Variants in ADGRL3 observed in about 807,000 individuals in gnomAD.
The protein encoded by ADGRL3 is calcium-independent alpha-latrotoxin receptor 3.
In ADGRL3, 62 loss-of-function variants were observed where a neutral mutation model predicts 153.5. The ratio of observed to expected loss-of-function variants is 0.40; its 90% CI spans 0.33 to 0.50. The LOEUF (loss-of-function observed/expected upper bound fraction) is 0.50. Among genes scored for constraint, ADGRL3 ranks in the 20% least tolerant of loss-of-function variants. The probability of loss-of-function intolerance (pLI) is 0.47; values close to 1 mark genes in which losing one functional copy is unlikely to be tolerated. For synonymous variants in ADGRL3, 710 were observed against 672.5 expected, an observed-to-expected ratio of 1.06 and a Z score of -0.86; for missense variants, 1,641 against 1,859.4, an observed-to-expected ratio of 0.88 and a Z score of 2.16.
At chr4:61,786,808 G>A (rs1051346960) in intron 8 of ADGRL3, among the ~76,000 whole-genome samples, 2 of 152,024 alleles carry the variant, frequency 1.3e-5, no homozygotes, top group African/African-American at 4.8e-5. Context: ...CACACAGCTA[G>A]GATAGGCTTA....
At chr4:61,998,526 T>C (rs2099129452) in intron 21 of ADGRL3, among the ~76,000 whole-genome samples, 1 of 152,022 alleles carries the variant, frequency 6.6e-6, no homozygotes, top group African/African-American at 2.4e-5. Context: ...ATTCATTGTG[T>C]CCTGAAAACA....
At chr4:61,690,694 G>C (rs190023626) in intron 6 of ADGRL3, among the ~76,000 whole-genome samples, 6 of 151,960 alleles carry the variant, frequency 3.9e-5, no homozygotes, top group Admixed American at 1.3e-4. Flanking sequence ...TTTCTACAAG[G>C]CTTCCTTTTT....
chr4:61,316,636 G>C (rs181218021), intron 1 of ADGRL3, among the ~76,000 whole-genome samples: 3 of 152,054 alleles, frequency 2.0e-5, no homozygotes, highest in Non-Finnish European at 4.4e-5. Context: ...AGACTAGAAG[G>C]CAGGAGGTCA....
At chr4:61,237,457 C>G (rs1369712089) in intron 1 of ADGRL3, among the ~76,000 whole-genome samples, 1 of 152,084 alleles carries the variant, frequency 6.6e-6, no homozygotes. Context: ...CAAAATGTGA[C>G]AGAAGAGATC....
chr4:61,361,167 C>G (rs1287418646), intron 1 of ADGRL3, among the ~76,000 whole-genome samples: 2 of 152,030 alleles, frequency 1.3e-5, no homozygotes, highest in Non-Finnish European at 2.9e-5. Flanking sequence ...CTTTAACAGC[C>G]CTTTGATTTC....
chr4:61,813,142 C>A (rs918275720), intron 8 of ADGRL3, among the ~76,000 whole-genome samples: 4 of 152,088 alleles, frequency 2.6e-5, no homozygotes, highest in African/African-American at 9.7e-5. Flanking sequence ...AGTCTGTAAT[C>A]CCAGCACTTT....
chr4:61,398,698 C>T (rs2096895972), intron 2 of ADGRL3, among the ~76,000 whole-genome samples: 1 of 151,412 alleles, frequency 6.6e-6, no homozygotes, highest in Non-Finnish European at 1.5e-5. Flanking sequence ...GTCTTTCACT[C>T]TCTCTCTTCT....
intron 5 of ADGRL3, among the ~76,000 whole-genome samples, chr4:61,639,939 A>T (rs1214705648): frequency 1.3e-5 from 2 of 152,154 alleles, no homozygotes; most frequent in Non-Finnish European, 2.9e-5. Flanking sequence ...ATAGAGGCTA[A>T]CTAGCACCCA....
intron 6 of ADGRL3, among the ~76,000 whole-genome samples, chr4:61,720,745 A>G (rs1005739183): frequency 1.3e-5 from 2 of 152,188 alleles, no homozygotes; most frequent in African/African-American, 4.8e-5. Flanking sequence ...TAATATTGAA[A>G]TCGTGACACT....
chr4:61,760,049 T>C (rs1239655851), intron 8 of ADGRL3, among the ~76,000 whole-genome samples: 2 of 152,114 alleles, frequency 1.3e-5, no homozygotes, highest in Non-Finnish European at 2.9e-5. Context: ...CTCAGAGGAG[T>C]ACCCAGCCGT....
chr4:61,210,814 T>A (rs1739639306), intron 1 of ADGRL3, among the ~76,000 whole-genome samples: 1 of 152,216 alleles, frequency 6.6e-6, no homozygotes, highest in Non-Finnish European at 1.5e-5. Flanking sequence ...AATCATTTTC[T>A]GTTAACACAA....
intron 2 of ADGRL3, among the ~76,000 whole-genome samples, chr4:61,488,602 A>C (rs188988012): frequency 2.2e-3 from 339 of 152,098 alleles, no homozygotes; most frequent in African/African-American, 7.8e-3. Flanking sequence ...ATTTGATTCA[A>C]CTTTTTACTG....
chr4:62,067,856 C>A (rs1185858146), intron 25 of ADGRL3, among the ~76,000 whole-genome samples: 1 of 151,934 alleles, frequency 6.6e-6, no homozygotes, highest in Non-Finnish European at 1.5e-5. Context: ...CAAATTTTTA[C>A]TCTCCTTGGT....
At chr4:61,668,025 T>C (rs1356413935) in intron 5 of ADGRL3, among the ~76,000 whole-genome samples, 1 of 152,236 alleles carries the variant, frequency 6.6e-6, no homozygotes, top group African/African-American at 2.4e-5. Context: ...ATTTGAATTA[T>C]GATCTTCTCC....
chr4:61,608,996 A>G (rs1444088883), intron 5 of ADGRL3, among the ~76,000 whole-genome samples: 2 of 152,138 alleles, frequency 1.3e-5, no homozygotes, highest in African/African-American at 2.4e-5. Flanking sequence ...CACTTTAAAA[A>G]TTGTCTTTTT....
At chr4:61,693,094 G>T (rs2095570268) in intron 6 of ADGRL3, among the ~76,000 whole-genome samples, 1 of 151,990 alleles carries the variant, frequency 6.6e-6, no homozygotes. Context: ...TTAAAGATAA[G>T]AATAGGTTTT....
In ADGRL3 at chr4:61,571,243, G is replaced by A. The variant is rs188389394; in HGVS notation, c.260-15984G>A. Among the ~76,000 whole-genome samples, 25 of 152,028 alleles carry A rather than the reference G, an allele frequency of 1.6e-4. 2 individuals carry two copies. In the East Asian group the frequency reaches 4.8e-3, roughly 29 times the overall value. ...TAATCTCAGCACTTTGGGAGGCTGA[G>A]GCAGGAGGATCATTTGGGGCCAGGA... On this transcript the variant is annotated intron_variant, in intron 4 of 26. Coordinates refer to ENST00000683033, the MANE Select transcript of ADGRL3 (RefSeq NM_001387552.1).
intron 13 of ADGRL3, among the ~76,000 whole-genome samples, chr4:61,932,748 ATTC>A (rs1560394088): frequency 6.6e-6 from 1 of 152,060 alleles, no homozygotes; most frequent in African/African-American, 2.4e-5. Flanking sequence ...ACTGGTGTTA[ATTC>A]TTCTTTAAGT....
chr4:61,905,787 C>T (rs143094369), intron 11 of ADGRL3, among the ~76,000 whole-genome samples: 2,884 of 151,606 alleles, frequency 0.019, 95 homozygotes, highest in African/African-American at 0.067. Context: ...CCCAGCTACT[C>T]GGGAGACCAA....
Sources: gnomAD v4.1 joint callset for allele counts (sites outside exome capture counted in the v4.1 genomes callset) on GRCh38, gnomAD v4.1.1 for gene constraint, MANE v1.5 for transcripts, NCBI Gene and HGNC (gene_info 2026-07-23, HGNC 2026-07-21) for gene names.